The following CAMTA1 variants were observed in gnomAD, a reference collection of about 807,000 sequenced individuals.
CAMTA1 encodes calmodulin binding transcription activator 1, also known as calmodulin-binding transcription activator 1.
CAMTA1 carries 27 observed loss-of-function variants against 170.9 expected under a neutral mutation model. The ratio of observed to expected loss-of-function variants is 0.16; its 90% confidence interval spans 0.12 to 0.22. The LOEUF is 0.22. CAMTA1 is among the 10% of genes least tolerant of loss of function. The probability of loss-of-function intolerance (pLI) is 1.00; values close to 1 mark genes in which losing one functional copy is unlikely to be tolerated. For missense variants in CAMTA1, 1,619 were observed against 2,217.2 expected (o/e 0.73, Z 5.42); for synonymous variants, 833 against 891.5 (o/e 0.93, Z 1.17).
chr1:7,017,038 C>T (rs1027220173), intron 3 of CAMTA1, among the ~76,000 whole-genome samples: 1 of 152,082 alleles, frequency 6.6e-6, no homozygotes, highest in African/African-American at 2.4e-5. Context: ...TACACAGGTG[C>T]CCACTTCTTA....
At chr1:7,468,786 C>T (rs1149332) in intron 6 of CAMTA1, among the ~76,000 whole-genome samples, 30,577 of 152,184 alleles carry the variant, frequency 0.2, 3,514 homozygotes, top group Non-Finnish European at 0.28. Flanking sequence ...AGGCAGCAAA[C>T]CCCTGGACCT....
At position 7,589,976 on chromosome 1, in the gene CAMTA1, T is replaced by C. The variant is rs373301878; in HGVS notation, c.511-50424T>C. ...TGCACAAGGCGGGGTTGTGTGCAGA[T>C]GGGATTTTAAAGCCCTTTGCACACC... On this transcript the variant is annotated intron_variant, in intron 6 of 22. Transcript: ENST00000303635. Among the ~76,000 whole-genome samples the C allele has an allele frequency of 1.5e-4, 23 of 152,302 alleles. 1 individual carries two copies. The highest frequency in any genetic ancestry group is 5.5e-4 in the African/African-American group (23 of 41,568).
intron 6 of CAMTA1, among the ~76,000 whole-genome samples, chr1:7,475,153 T>A (rs1206599220): frequency 6.6e-6 from 1 of 152,208 alleles, no homozygotes; most frequent in African/African-American, 2.4e-5. Context: ...TTTCTTAAAA[T>A]GGAGAATATT....
chr1:7,362,179 C>A (rs375788180), intron 5 of CAMTA1, among the ~76,000 whole-genome samples: 18 of 152,224 alleles, frequency 1.2e-4, no homozygotes, highest in African/African-American at 4.3e-4. Context: ...TAATGTTTAT[C>A]CTGTCTTACT....
intron 6 of CAMTA1, among the ~76,000 whole-genome samples, chr1:7,500,639 CTG>C (rs1226457536): frequency 1.3e-5 from 2 of 152,154 alleles, no homozygotes; most frequent in Non-Finnish European, 2.9e-5. Context: ...CAAGGGCCCT[CTG>C]TTGCTCAGGC....
At chr1:7,483,902 C>T (rs891797453) in intron 6 of CAMTA1, among the ~76,000 whole-genome samples, 2 of 152,180 alleles carry the variant, frequency 1.3e-5, no homozygotes, top group African/African-American at 4.8e-5. Flanking sequence ...CTCCACACAC[C>T]TCCTGGGCCT....
chr1:7,183,644 A>G (rs183048677), intron 4 of CAMTA1, among the ~76,000 whole-genome samples: 2 of 152,322 alleles, frequency 1.3e-5, no homozygotes, highest in East Asian at 3.9e-4. Context: ...TGCAACTGTG[A>G]AAAAGAAAGA....
Position 6,865,946 on chromosome 1 carries a change from T to G in CAMTA1, c.234+40736T>G, listed in dbSNP as rs1332611495. On this transcript the variant is annotated intron_variant, in intron 3 of 22. Coordinates refer to ENST00000303635, the MANE Select transcript of CAMTA1 (RefSeq NM_015215.4). ...CTTTATTCTTTAAAGTTGTAAAGAC[T>G]TTTTAGGTATCTTGGCATTTAAAAA... is the stretch of plus-strand genomic sequence containing the variant. Among the ~76,000 whole-genome samples, 3 of 152,350 alleles carry G rather than the reference T, an allele frequency of 2.0e-5. No individual in the cohort carries two copies. In the East Asian group the frequency reaches 5.8e-4, roughly 29 times the overall value.
At chr1:7,151,761 G>A (rs1365855162) in intron 4 of CAMTA1, among the ~76,000 whole-genome samples, 1 of 152,166 alleles carries the variant, frequency 6.6e-6, no homozygotes, top group Non-Finnish European at 1.5e-5. Flanking sequence ...GGGAGGCCCT[G>A]GAGGGAGCCT....
intron 3 of CAMTA1, among the ~76,000 whole-genome samples, chr1:7,082,330 C>T (rs534329986): frequency 9.9e-5 from 15 of 152,258 alleles, no homozygotes; most frequent in African/African-American, 2.4e-4. Context: ...CCCAGCTACT[C>T]AGGAGGCTGA....
chr1:6,868,660 A>AT (rs1667481264), intron 3 of CAMTA1, among the ~76,000 whole-genome samples: 1 of 152,116 alleles, frequency 6.6e-6, no homozygotes, highest in Admixed American at 6.5e-5. Context: ...AGGGGGGAAG[A>AT]TTTTTAACAT....
In CAMTA1 at chr1:7,093,844, G is replaced by C. The variant is rs1328936611; in HGVS notation, c.302+2473G>C. On this transcript the variant is annotated intron_variant, in intron 4 of 22. Transcript: ENST00000303635. This position sits in a 1 kb window ranked among gnomAD's most constrained non-coding sequence, Gnocchi z 4.6. ...TCAGTGGCTTTGCGACTGTGAAAAGGTCATCTTAGCTCCTTTAAAAGCCCT... is the reference window on the plus strand; with the variant it reads ...TCAGTGGCTTTGCGACTGTGAAAAGCTCATCTTAGCTCCTTTAAAAGCCCT... Among the ~76,000 whole-genome samples, 2 of 152,180 alleles carry C rather than the reference G, an allele frequency of 1.3e-5. No individual in the cohort carries two copies. Among genetic ancestry groups the C allele is most frequent in the Non-Finnish European group, 2.9e-5 (2 of 68,036 alleles).
intron 4 of CAMTA1, among the ~76,000 whole-genome samples, chr1:7,247,925 G>A (rs1666066372): frequency 6.6e-6 from 1 of 152,208 alleles, no homozygotes; most frequent in Admixed American, 6.5e-5. Context: ...TGACAAGCGC[G>A]TGGAGCCATT....
At chr1:7,047,510 C>T (rs1002531831) in intron 3 of CAMTA1, among the ~76,000 whole-genome samples, 2 of 152,142 alleles carry the variant, frequency 1.3e-5, no homozygotes, top group African/African-American at 4.8e-5. Flanking sequence ...GCTTACCTTT[C>T]TTTCTCTCTT....
At chr1:6,842,571 A>G (rs915328790) in intron 3 of CAMTA1, among the ~76,000 whole-genome samples, 2 of 152,310 alleles carry the variant, frequency 1.3e-5, no homozygotes, top group South Asian at 2.1e-4. Flanking sequence ...CCTTAAATCT[A>G]CTGTTGACTG....
chr1:7,344,473 G>A (rs1228672488), intron 5 of CAMTA1, among the ~76,000 whole-genome samples: 1 of 152,168 alleles, frequency 6.6e-6, no homozygotes, highest in Non-Finnish European at 1.5e-5. Flanking sequence ...TGTCTTTACT[G>A]GATTCCATGA....
chr1:7,075,815 A>G (rs1440728875), intron 3 of CAMTA1, among the ~76,000 whole-genome samples: 1 of 152,040 alleles, frequency 6.6e-6, no homozygotes, highest in Non-Finnish European at 1.5e-5. Context: ...GGTGTGTGCC[A>G]CCACGCCCGG....
At chr1:7,143,194 G>A (rs987843694) in intron 4 of CAMTA1, among the ~76,000 whole-genome samples, 2 of 152,134 alleles carry the variant, frequency 1.3e-5, no homozygotes, top group African/African-American at 2.4e-5. Context: ...GGGGTGGGCC[G>A]AGACTCAGGC....
chr1:7,063,733 A>C lies in CAMTA1; in HGVS notation c.235-27571A>C, dbSNP rs11120829. ...GTACCTACAAAGTGGGAGCAAATTCAACAACCACACTTTTTCAGGCACTGG... is the reference window on the plus strand; with the variant it reads ...GTACCTACAAAGTGGGAGCAAATTCCACAACCACACTTTTTCAGGCACTGG... On this transcript the variant is annotated intron_variant, in intron 3 of 22. Coordinates refer to ENST00000303635, the MANE Select transcript of CAMTA1 (RefSeq NM_015215.4). The surrounding 1 kb of genome is among the most constrained non-coding windows in gnomAD (Gnocchi z 4.3). 0.49 allele frequency among the ~76,000 whole-genome samples: 74,408 copies of C among 152,100 alleles called. 18,949 individuals carry two copies. The highest frequency in any genetic ancestry group is 0.63 in the African/African-American group (25,931 of 41,488).
Sources: allele counts gnomAD v4.1 joint callset (sites outside exome capture counted in the v4.1 genomes callset), GRCh38; gene constraint gnomAD v4.1.1; non-coding constraint Gnocchi (gnomAD v3.1); transcripts MANE v1.5; gene names NCBI Gene and HGNC (gene_info 2026-07-23, HGNC 2026-07-21).